The following DEPDC7 variants were observed in gnomAD, a reference collection of about 807,000 sequenced individuals.
DEPDC7 encodes DEP domain containing 7.
DEPDC7 carries 41 observed loss-of-function variants against 56.6 expected under a neutral mutation model. The observed-to-expected ratio is 0.72, with a 90% CI of 0.56 to 0.94. The LOEUF (loss-of-function observed/expected upper bound fraction) is 0.94. Ranked by LOEUF, DEPDC7 falls within the 40% of genes least tolerant of loss-of-function variation. DEPDC7 has a pLI of 0.00. For missense variants in DEPDC7, 522 were observed against 596.3 expected, an observed-to-expected ratio of 0.88 and a Z score of 1.30; for synonymous variants, 185 against 208.8, an observed-to-expected ratio of 0.89 and a Z score of 0.98.
chr11:33,016,936 C>G (rs1284995882), intron 1 of DEPDC7, among the ~76,000 whole-genome samples: 1 of 152,178 alleles, frequency 6.6e-6, no homozygotes, highest in Non-Finnish European at 1.5e-5. Flanking sequence ...GGAATTAGTT[C>G]CCTTTCTGAC....
chr11:33,025,548 C>A, intron 1 of DEPDC7, 111 bp from the exon 2 acceptor site: 1 of 1,058,404 alleles, frequency 9.4e-7, no homozygotes, highest in South Asian at 1.7e-5. Context: ...ATAATTGCTC[C>A]TTATCAATAA....
intron 1 of DEPDC7, among the ~76,000 whole-genome samples, chr11:33,025,325 G>A (rs369107128): frequency 5.3e-5 from 8 of 152,152 alleles, no homozygotes; most frequent in South Asian, 2.1e-4. Flanking sequence ...ATTTAAAGTC[G>A]CATTCTTTAT....
chr11:33,031,480 AGACTTAGT>A lies in DEPDC7; in HGVS notation c.888_895del (p.Asp296GlufsTer6). ...GCTTTCCTGAGCAACCAGACCGAAC[AGACTTAGT>A]GAAAGAACTTCTGTTTGATGCCATT... is the stretch of plus-strand genomic sequence containing the variant. On this transcript the variant is annotated frameshift_variant, in exon 5 of 9. Coordinates refer to ENST00000241051, the MANE Select transcript of DEPDC7 (RefSeq NM_001077242.2). LOFTEE classifies it high-confidence loss of function. 1 of 1,614,220 alleles carries A rather than the reference AGACTTAGT, an allele frequency of 6.2e-7. No individual in the cohort carries two copies. Among genetic ancestry groups the A allele is most frequent in the Non-Finnish European group, 8.5e-7 (1 of 1,180,030 alleles).
At chr11:33,030,502 CTACT>C in intron 4 of DEPDC7, among the ~76,000 whole-genome samples, 1 of 148,218 alleles carries the variant, frequency 6.7e-6, no homozygotes, top group Non-Finnish European at 1.5e-5. Context: ...TAAAAGTTTA[CTACT>C]TTATTTCTTG....
chr11:33,019,276 C>T (rs1393378612), intron 1 of DEPDC7, among the ~76,000 whole-genome samples: 1 of 152,160 alleles, frequency 6.6e-6, no homozygotes, highest in Non-Finnish European at 1.5e-5. Flanking sequence ...GCCAGCAATA[C>T]CCACACTCAT....
At chr11:33,019,260 C>T (rs1359739694) in intron 1 of DEPDC7, among the ~76,000 whole-genome samples, 2 of 152,188 alleles carry the variant, frequency 1.3e-5, no homozygotes, top group Non-Finnish European at 2.9e-5. Context: ...CCTCTACCCA[C>T]TGGATGCCAG....
chr11:33,030,116 T>C (rs112353561), intron 4 of DEPDC7, among the ~76,000 whole-genome samples: 174 of 152,214 alleles, frequency 1.1e-3, no homozygotes, highest in African/African-American at 4.1e-3. Flanking sequence ...CACGCCACCA[T>C]GCCTGGCTGA....
intron 2 of DEPDC7, among the ~76,000 whole-genome samples, chr11:33,027,001 TA>T (rs2133663819): frequency 1.3e-5 from 2 of 152,264 alleles, no homozygotes; most frequent in Non-Finnish European, 2.9e-5. Flanking sequence ...AATATGAGGA[TA>T]AAGTAAGGCA....
At chr11:33,029,617 A>G (rs1393299238) in intron 4 of DEPDC7, among the ~76,000 whole-genome samples, 3 of 152,150 alleles carry the variant, frequency 2.0e-5, no homozygotes, top group Non-Finnish European at 4.4e-5. Context: ...TTTTCCTTAA[A>G]GACGAGTTCT....
Position 33,015,959 on chromosome 11 carries a change from G to A in DEPDC7, c.4G>A (p.Ala2Thr), listed in dbSNP as rs1437494705. ...TGGCGTCCGGGGAGCAAGGGCCATG[G>A]CCACCGTGCAGGAGAAGGCTGCTGC... M[A>T]TVQEKAAALN... Residue 2 changes from alanine (A) to threonine (T), a missense_variant, in exon 1 of 9, where the codon GCC (alanine) becomes ACC (threonine). Transcript: ENST00000241051. 2 of 1,576,276 alleles carry A rather than the reference G, an allele frequency of 1.3e-6. No homozygotes were observed. The highest frequency in any genetic ancestry group is 1.4e-5 in the African/African-American group (1 of 73,260).
At chr11:33,016,492 G>T (rs538975516) in intron 1 of DEPDC7, 1 of 1,612,662 alleles carries the variant, frequency 6.2e-7, no homozygotes, top group South Asian at 1.1e-5. Context: ...TCTCCAGACT[G>T]CTAGGAGTCA....
intron 2 of DEPDC7, 74 bp from the exon 3 acceptor site, chr11:33,027,612 A>C (rs1853592171): frequency 3.7e-6 from 5 of 1,351,478 alleles, no homozygotes; most frequent in Middle Eastern, 1.9e-4. Context: ...TCTGTAGAAA[A>C]CTCTTAGCTC....
rs200225159 is a variant in DEPDC7, at chr11:33,032,315, G to GT, written c.995-14dup. On this transcript the variant is annotated intron_variant, in intron 5 of 8. Transcript: ENST00000241051. Reference sequence around the variant, plus strand: ...AGTCATATTTGGTCAATTAAAAGCAGTTTTTTTCTTTTGGCTAAAGTGAAT... The same window carrying GT: ...AGTCATATTTGGTCAATTAAAAGCAGTTTTTTTTCTTTTGGCTAAAGTGAAT... 186 of 1,551,148 alleles carry GT rather than the reference G, an allele frequency of 1.2e-4. 1 individual carries two copies. The East Asian group carries it at 3.9e-3, about 33-fold the overall frequency.
At chr11:33,021,335 G>A (rs1297723218) in intron 1 of DEPDC7, among the ~76,000 whole-genome samples, 3 of 152,018 alleles carry the variant, frequency 2.0e-5, no homozygotes, top group Admixed American at 6.6e-5. Flanking sequence ...TTAAAAGGTT[G>A]TTTAGCTCAT....
chr11:33,017,103 C>G (rs1424395819), intron 1 of DEPDC7, among the ~76,000 whole-genome samples: 1 of 152,154 alleles, frequency 6.6e-6, no homozygotes, highest in Non-Finnish European at 1.5e-5. Flanking sequence ...TGGTAGAGAA[C>G]CATTTTTCAC....
In DEPDC7 at chr11:33,025,790, T is replaced by G; in HGVS notation, c.205T>G (p.Ser69Ala). The G allele has an allele frequency of 6.2e-7, 1 of 1,614,218 alleles. No individual in the cohort carries two copies. Among genetic ancestry groups the G allele is most frequent in the Non-Finnish European group, 8.5e-7 (1 of 1,180,032 alleles). ...ACGACATAATGACTGCTTTGTTGGT[T>G]CAGAAGCTGTGGATGTCATTTTTTC... Reference protein sequence around the residue: ...LKRHNDCFVGSEAVDVIFSHL... With the variant: ...LKRHNDCFVGAEAVDVIFSHL... Residue 69 changes from serine (S) to alanine (A), a missense_variant, in exon 2 of 9, where the codon TCA becomes GCA. By Grantham distance (99) the Ser-to-Ala change is moderately conservative. Coordinates refer to ENST00000241051, the MANE Select transcript of DEPDC7 (RefSeq NM_001077242.2).
At chr11:33,021,059 C>T (rs1853518473) in intron 1 of DEPDC7, among the ~76,000 whole-genome samples, 3 of 151,696 alleles carry the variant, frequency 2.0e-5, no homozygotes, top group Admixed American at 2.0e-4. Context: ...CCATCCTGGC[C>T]AACATGGTGA....
intron 1 of DEPDC7, chr11:33,016,537 G>A (rs776795886): frequency 3.7e-6 from 6 of 1,614,082 alleles, no homozygotes; most frequent in South Asian, 2.2e-5. Flanking sequence ...CTTCCTGGGA[G>A]GGATGAGAGG....
chr11:33,021,571 G>C (rs1355986498), intron 1 of DEPDC7, among the ~76,000 whole-genome samples: 1 of 152,200 alleles, frequency 6.6e-6, no homozygotes, highest in African/African-American at 2.4e-5. Flanking sequence ...TTAAAAAGCA[G>C]GTTATCCTGG....
Sources: allele counts gnomAD v4.1 joint callset (sites outside exome capture counted in the v4.1 genomes callset), GRCh38; gene constraint gnomAD v4.1.1; transcripts MANE v1.5; gene names NCBI Gene and HGNC (gene_info 2026-07-23, HGNC 2026-07-21).